Variants in PCDHGA2 observed in about 807,000 individuals in gnomAD.
The protein encoded by PCDHGA2 is protocadherin gamma-A2.
A neutral mutation model predicts 59.2 loss-of-function variants in PCDHGA2; 40 were observed. That is an observed-to-expected ratio of 0.68 (90% CI 0.52 to 0.88). The LOEUF is 0.88. Among genes scored for constraint, PCDHGA2 ranks in the 40% least tolerant of loss-of-function variants. The probability of loss-of-function intolerance (pLI) is 0.00; values close to 1 mark genes in which losing one functional copy is unlikely to be tolerated. For synonymous variants in PCDHGA2, 560 were observed against 526.0 expected (o/e 1.06, Z -0.89); for missense variants, 1,226 against 1,204.0 (o/e 1.02, Z -0.27).
chr5:141,438,392 A>C (rs2097958012), intron 1 of PCDHGA2, among the ~76,000 whole-genome samples: 1 of 151,714 alleles, frequency 6.6e-6, no homozygotes, highest in African/African-American at 2.4e-5. Context: ...TTAGTTCATC[A>C]TTAACTCTCT....
intron 1 of PCDHGA2, chr5:141,393,121 T>C: frequency 6.2e-7 from 1 of 1,613,428 alleles, no homozygotes; most frequent in Non-Finnish European, 8.5e-7. Context: ...CCGCGGTGTC[T>C]GATAAATATT....
Position 141,393,820 on chromosome 5 carries a change from CG to C in PCDHGA2, c.2424+52427del, listed in dbSNP as rs370400807. Reference sequence around the variant, plus strand: ...CTGGGGAGGACCAAATTGCTCATTTCGGTGGAAGATGTAAATGACAATAGAC... The same window carrying C: ...CTGGGGAGGACCAAATTGCTCATTTCGTGGAAGATGTAAATGACAATAGAC... On this transcript the variant is annotated intron_variant, in intron 1 of 3. Transcript: ENST00000394576. The C allele has an allele frequency of 9.3e-6, 15 of 1,613,800 alleles. No individual in the cohort carries two copies. In the African/African-American group the frequency reaches 9.3e-5, roughly 10 times the overall value.
At chr5:141,405,556 C>G in intron 1 of PCDHGA2, 1 of 619,826 alleles carries the variant, frequency 1.6e-6, no homozygotes, top group African/African-American at 1.8e-5. Flanking sequence ...AGTAGAGTAG[C>G]TGGGACTAGA....
chr5:141,351,097 C>T (rs1233057800), intron 1 of PCDHGA2: 1 of 1,614,100 alleles, frequency 6.2e-7, no homozygotes, highest in East Asian at 2.2e-5. Flanking sequence ...ATGCCTTCCT[C>T]AATTCCCCAA....
intron 1 of PCDHGA2, chr5:141,441,837 G>A (rs952709777): frequency 2.8e-6 from 1 of 354,138 alleles, no homozygotes. Context: ...ATGGCTTCGC[G>A]CTCTTGGATA....
chr5:141,404,261 C>G, intron 1 of PCDHGA2: 1 of 1,613,950 alleles, frequency 6.2e-7, no homozygotes. Flanking sequence ...CACAGAAATT[C>G]ACATCACCCT....
At position 141,340,241 on chromosome 5, in the gene PCDHGA2, G is replaced by C; in HGVS notation, c.1270G>C (p.Ala424Pro). The C allele has an allele frequency of 6.2e-7, 1 of 1,614,118 alleles. No homozygotes were observed. The highest frequency in any genetic ancestry group is 8.5e-7 in the Non-Finnish European group (1 of 1,180,018). The change falls in exon 1 of 4, where the codon GCT (alanine) becomes CCT (proline). Residue 424 changes from alanine (A) to proline (P), a missense_variant. Physicochemically the swap from Ala to Pro is conservative, Grantham distance 27. Transcript: ENST00000394576. The stretch of plus-strand genomic sequence containing the variant: ...TTCCTTTTACAACATCACTCTAACC[G>C]CTAAAGATGGAGGGAACCCCTCCCT... ...QFSFYNITLT[A>P]KDGGNPSLST...
At chr5:141,444,531 C>T (rs1021207516) in intron 1 of PCDHGA2, among the ~76,000 whole-genome samples, 2 of 152,100 alleles carry the variant, frequency 1.3e-5, no homozygotes, top group Non-Finnish European at 1.5e-5. Context: ...GAGACAGTGA[C>T]TGTGTCTAGT....
intron 1 of PCDHGA2, chr5:141,392,972 G>C (rs2092640426): frequency 6.2e-7 from 1 of 1,613,802 alleles, no homozygotes; most frequent in African/African-American, 1.3e-5. Context: ...AGGACCTGGG[G>C]CTGGACCCCC....
chr5:141,344,324 T>G, intron 1 of PCDHGA2: 1 of 1,614,030 alleles, frequency 6.2e-7, no homozygotes, highest in Non-Finnish European at 8.5e-7. Context: ...AGCTCTGCGC[T>G]CAGATCCCGC....
intron 1 of PCDHGA2, chr5:141,422,201 G>T (rs764621323): frequency 1.9e-6 from 3 of 1,562,386 alleles, no homozygotes; most frequent in Admixed American, 2.0e-5. Flanking sequence ...GGCCAAGATG[G>T]TGGAGGTCTC....
At chr5:141,419,298 A>G in intron 1 of PCDHGA2, 1 of 1,613,988 alleles carries the variant, frequency 6.2e-7, no homozygotes, top group Non-Finnish European at 8.5e-7. Context: ...TCTGACCCAG[A>G]CTTCGGGCTC....
chr5:141,465,343 T>A (rs1221229916), intron 1 of PCDHGA2, among the ~76,000 whole-genome samples: 1 of 152,118 alleles, frequency 6.6e-6, no homozygotes, highest in Non-Finnish European at 1.5e-5. Flanking sequence ...TATTGGTTAC[T>A]GAAGAAAAAA....
At chr5:141,394,112 C>G (rs771784855) in intron 1 of PCDHGA2, 9 of 1,613,946 alleles carry the variant, frequency 5.6e-6, no homozygotes, top group African/African-American at 2.7e-5. Flanking sequence ...CACCTCTGTC[C>G]ACTGAAACTC....
Position 141,490,481 on chromosome 5 carries a change from G to A in PCDHGA2, c.2425-4326G>A, listed in dbSNP as rs771164683. 8.7e-6 allele frequency: 14 copies of A among 1,614,060 alleles called. No homozygotes were observed. The highest frequency in any genetic ancestry group is 4.0e-5 in the African/African-American group (3 of 74,928). ...CTGCTAACCAGCCAGCCTTTGGACCGGGAGGCCACATCCCACTATATCATC... is the reference window on the plus strand; with the variant it reads ...CTGCTAACCAGCCAGCCTTTGGACCAGGAGGCCACATCCCACTATATCATC... On this transcript the variant is annotated intron_variant, in intron 1 of 3. Transcript: ENST00000394576. The surrounding 1 kb of genome is among the most constrained non-coding windows in gnomAD (Gnocchi z 5.4).
chr5:141,456,888 G>A (rs376401806), intron 1 of PCDHGA2, among the ~76,000 whole-genome samples: 5 of 152,118 alleles, frequency 3.3e-5, no homozygotes, highest in Admixed American at 1.3e-4. Context: ...GCTTGAACCC[G>A]GGAGGCAGAG....
intron 1 of PCDHGA2, 168 bp downstream of exon 1, chr5:141,341,563 T>C: frequency 7.5e-7 from 1 of 1,328,462 alleles, no homozygotes; most frequent in Non-Finnish European, 1.0e-6. Flanking sequence ...TCACAGGCTG[T>C]AAGAGGAAGA....
chr5:141,370,999 G>T, intron 1 of PCDHGA2: 3 of 1,614,020 alleles, frequency 1.9e-6, no homozygotes, highest in Non-Finnish European at 2.5e-6. Flanking sequence ...CCCCTGGACA[G>T]GGAAGAGCAG....
chr5:141,370,896 C>A, intron 1 of PCDHGA2: 1 of 1,614,040 alleles, frequency 6.2e-7, no homozygotes. Context: ...CAATTCGCTG[C>A]AGCAGTACTA....
Sources: allele counts gnomAD v4.1 joint callset (sites outside exome capture counted in the v4.1 genomes callset), GRCh38; gene constraint gnomAD v4.1.1; non-coding constraint Gnocchi (gnomAD v3.1); transcripts MANE v1.5; gene names NCBI Gene and HGNC (gene_info 2026-07-23, HGNC 2026-07-21).